Variants in IFT46 observed in about 807,000 individuals in gnomAD.
The protein encoded by IFT46 is intraflagellar transport protein 46 homolog.
Under a neutral mutation model 39.6 loss-of-function variants are expected in IFT46, and 19 were observed. The observed-to-expected ratio is 0.48, with a 90% CI of 0.33 to 0.70. The LOEUF is 0.70. IFT46 is among the 30% of genes least tolerant of loss of function. The pLI is 0.01. For missense variants in IFT46, 334 were observed against 364.8 expected (o/e 0.92, Z 0.69); for synonymous variants, 117 against 134.8 (o/e 0.87, Z 0.91).
chr11:118,560,670 G>A (rs782302765), intron 2 of IFT46: 15 of 531,746 alleles, frequency 2.8e-5, no homozygotes, highest in African/African-American at 3.8e-5. Flanking sequence ...AGCCGCAAAC[G>A]CGGGTCTCTG....
rs375847066 is a variant in IFT46, at chr11:118,555,290, G to C, written c.218C>G (p.Pro73Arg). 3.1e-6 allele frequency: 5 copies of C among 1,614,002 alleles called. No individual in the cohort carries two copies. Among genetic ancestry groups the C allele is most frequent in the Non-Finnish European group, 4.2e-6 (5 of 1,180,002 alleles). Residue 73 changes from proline to arginine, a missense_variant, in exon 5 of 12, where the codon CCA becomes CGA. Transcript: ENST00000264021. ...GAGTTCCTTAATTTCAGCAGAAACT[G>C]GCAAATGCTCATAGTCTGCAGGGTC... The part of the protein sequence containing the change: ...AYDPADYEHL[P>R]VSAEIKELFQ...
chr11:118,564,502 G>C (rs553634410), intron 2 of IFT46, among the ~76,000 whole-genome samples: 2 of 152,234 alleles, frequency 1.3e-5, no homozygotes, highest in Non-Finnish European at 2.9e-5. Context: ...CTTGAGGCTA[G>C]GAGTTCAAGA....
chr11:118,557,667 A>G, intron 3 of IFT46: 4 of 1,566,390 alleles, frequency 2.6e-6, no homozygotes, highest in Non-Finnish European at 2.6e-6. Context: ...CTTACCCCAT[A>G]AATTACATAA....
At chr11:118,574,845 C>T (rs1938449398), upstream of IFT46, among the ~76,000 whole-genome samples, 1 of 151,996 alleles carries the variant, frequency 6.6e-6, no homozygotes, top group South Asian at 2.1e-4. Context: ...TAGTGCACTG[C>T]GGCCTAGAAC....
In IFT46 at chr11:118,552,269, C is replaced by T. The variant is rs782279788; in HGVS notation, c.550G>A (p.Glu184Lys). ...GAACGGTGTAATTCAGAGATGCTCT[C>T]AATCCACGTGTCAATGGCTTTGGGA... ...KNPKAIDTWI[E>K]SISELHRSKP... The change falls in exon 8 of 12, where the codon GAG becomes AAG. Residue 184 changes from glutamate to lysine, a missense_variant. Transcript: ENST00000264021. 6.8e-6 allele frequency: 11 copies of T among 1,614,198 alleles called. No individual in the cohort carries two copies. The highest frequency in any genetic ancestry group is 3.3e-4 in the Middle Eastern group (2 of 6,062).
upstream of IFT46, among the ~76,000 whole-genome samples, chr11:118,568,667 CT>C (rs1555071906): frequency 1.3e-5 from 2 of 150,170 alleles, no homozygotes; most frequent in South Asian, 2.2e-4. Flanking sequence ...CCCATTGTCA[CT>C]TTTTTTTTCT....
upstream of IFT46, among the ~76,000 whole-genome samples, chr11:118,567,753 C>T (rs1555071760): frequency 1.3e-5 from 2 of 152,222 alleles, no homozygotes; most frequent in South Asian, 2.1e-4. Flanking sequence ...CTGTTTTGCT[C>T]GTAATAGTGG....
chr11:118,574,592 G>A (rs1466012615), upstream of IFT46, among the ~76,000 whole-genome samples: 3 of 151,614 alleles, frequency 2.0e-5, no homozygotes, highest in Admixed American at 6.6e-5. Flanking sequence ...ATATCAGTAC[G>A]TAAACATTGA....
Position 118,544,727 on chromosome 11 carries a change from A to G in IFT46, c.*189T>C, listed in dbSNP as rs1387332315. On this transcript the variant is annotated 3_prime_UTR_variant, in exon 12 of 12. Transcript: ENST00000264021. The stretch of plus-strand genomic sequence containing the variant: ...ATGCATTAACTCCCCGGGGACAGCA[A>G]TCTGAGGCAGGCAGGTTCATTAAAC... 8 of 580,874 alleles carry G rather than the reference A, an allele frequency of 1.4e-5. No individual in the cohort carries two copies. The highest frequency in any genetic ancestry group is 2.2e-5 in the Non-Finnish European group (7 of 324,378). 36.0% of individuals were successfully genotyped at this position (580,874 alleles called of 1,614,324 possible). A position where few individuals can be genotyped will look rare whatever the true frequency, so the allele number is the denominator to read the frequency against.
At chr11:118,565,732 T>G (rs1938206890) in intron 1 of IFT46, 58 bp downstream of exon 1, 2 of 151,606 alleles carry the variant, frequency 1.3e-5, no homozygotes, top group Admixed American at 6.6e-5. Context: ...TAAAGGGGAG[T>G]CCTCTTAAGC....
chr11:118,557,884 T>G (rs1321709466), intron 3 of IFT46: 13 of 1,595,570 alleles, frequency 8.1e-6, no homozygotes, highest in Middle Eastern at 1.7e-4. Context: ...ATGCCCTCCC[T>G]TAGGACCTGA....
chr11:118,565,990 C>T (rs1289155585), upstream of IFT46: 1 of 152,180 alleles, frequency 6.6e-6, no homozygotes, highest in Non-Finnish European at 1.5e-5. Context: ...CGCGTTAAGC[C>T]TCACCCGCGA....
intron 5 of IFT46, 82 bp from the exon 6 acceptor site, chr11:118,555,165 A>C: frequency 6.5e-7 from 1 of 1,530,876 alleles, no homozygotes; most frequent in Non-Finnish European, 9.1e-7. Flanking sequence ...TCTAAGGGGA[A>C]TGGCCCTGTT....
chr11:118,547,744 CTTT>C (rs1233612951), intron 9 of IFT46, among the ~76,000 whole-genome samples: 167 of 91,180 alleles, frequency 1.8e-3, no homozygotes, highest in African/African-American at 5.7e-3. Flanking sequence ...CTTTTCTTTT[CTTT>C]TTTTTTTTTT....
upstream of IFT46, among the ~76,000 whole-genome samples, chr11:118,574,405 A>G (rs1363102475): frequency 3.3e-5 from 5 of 152,178 alleles, no homozygotes; most frequent in Non-Finnish European, 7.3e-5. Flanking sequence ...TTAGCTCAAC[A>G]TTTCATTATG....
intron 3 of IFT46, among the ~76,000 whole-genome samples, chr11:118,558,316 G>GC (rs1163322704): frequency 6.6e-6 from 1 of 152,220 alleles, no homozygotes; most frequent in African/African-American, 2.4e-5. Context: ...AATATTGTCA[G>GC]CCCGGGGTGG....
At chr11:118,545,561 T>C in intron 10 of IFT46, 67 bp from the exon 11 acceptor site, 1 of 1,357,828 alleles carries the variant, frequency 7.4e-7, no homozygotes, top group Non-Finnish European at 1.1e-6. Context: ...CCCTTCTGTC[T>C]AGCACAGGCA....
At chr11:118,545,075 GAATT>G in intron 11 of IFT46, 64 bp from the exon 12 acceptor site, 1 of 1,181,878 alleles carries the variant, frequency 8.5e-7, no homozygotes, top group Non-Finnish European at 1.2e-6. Context: ...ATTTTAACAA[GAATT>G]AATTTCTTTA....
At chr11:118,549,139 T>TG (rs1555067869) in intron 9 of IFT46, among the ~76,000 whole-genome samples, 1 of 151,772 alleles carries the variant, frequency 6.6e-6, no homozygotes, top group Non-Finnish European at 1.5e-5. Flanking sequence ...CCTCAGGTGA[T>TG]GCGCCCACCT....
Sources: gnomAD v4.1 joint callset for allele counts (sites outside exome capture counted in the v4.1 genomes callset) on GRCh38, gnomAD v4.1.1 for gene constraint, MANE v1.5 for transcripts, NCBI Gene and HGNC (gene_info 2026-07-23, HGNC 2026-07-21) for gene names.